The following TRIO variants were observed in gnomAD, a reference collection of about 807,000 sequenced individuals.
TRIO encodes trio Rho guanine nucleotide exchange factor.
TRIO carries 58 observed loss-of-function variants against 351.9 expected under a neutral mutation model. That is an observed-to-expected ratio of 0.16 (90% CI 0.13 to 0.21). TRIO has a LOEUF of 0.21. Among genes scored for constraint, TRIO ranks in the 10% least tolerant of loss-of-function variants. The pLI, the probability that TRIO is intolerant of heterozygous loss-of-function variation, is 1.00. For missense variants in TRIO, 3,201 were observed against 4,027.8 expected (o/e 0.79, Z 5.56); for synonymous variants, 1,758 against 1,595.7 (o/e 1.10, Z -2.42).
At chr5:14,501,233 CCTT>C (rs1757280693) in intron 53 of TRIO, among the ~76,000 whole-genome samples, 1 of 152,162 alleles carries the variant, frequency 6.6e-6, no homozygotes, top group African/African-American at 2.4e-5. Context: ...TCTCAGTACT[CCTT>C]CACCTGCAAG....
At chr5:14,200,449 A>G (rs186521070) in intron 1 of TRIO, among the ~76,000 whole-genome samples, 1 of 152,358 alleles carries the variant, frequency 6.6e-6, no homozygotes, top group East Asian at 1.9e-4. Flanking sequence ...CCCCTGTAAG[A>G]CAGGCATGCT....
At position 14,484,998 on chromosome 5, in the gene TRIO, G is replaced by A. The variant is rs538009642; in HGVS notation, c.6658-71G>A. Reference sequence around the variant, plus strand: ...CCCACATTTTCTTTGTCCATTCATCGGTCAGTGGACACATGGTTTGCTTCC... The same window carrying A: ...CCCACATTTTCTTTGTCCATTCATCAGTCAGTGGACACATGGTTTGCTTCC... On this transcript the variant is annotated intron_variant, in intron 46 of 56. Transcript: ENST00000344204. 6.2e-5 allele frequency: 87 copies of A among 1,408,634 alleles called. No homozygotes were observed. In the East Asian group the frequency reaches 1.4e-3, roughly 23 times the overall value. The allele number at this position is 1,408,634 out of a possible 1,614,324, so 87.3% of individuals were successfully genotyped here. A position where few individuals can be genotyped will look rare whatever the true frequency, so the allele number is the denominator to read the frequency against.
At chr5:14,219,531 G>T (rs1451022368) in intron 1 of TRIO, among the ~76,000 whole-genome samples, 2 of 152,200 alleles carry the variant, frequency 1.3e-5, no homozygotes, top group African/African-American at 4.8e-5. Context: ...GAGTCATAGG[G>T]GACCCTTCAG....
chr5:14,148,887 G>T (rs1413218323), intron 1 of TRIO, among the ~76,000 whole-genome samples: 1 of 152,226 alleles, frequency 6.6e-6, no homozygotes, highest in Non-Finnish European at 1.5e-5. Flanking sequence ...TGGGTCCCCA[G>T]CTGGAGCAAG....
chr5:14,433,538 C>T lies in TRIO; in HGVS notation c.5203+13517C>T, dbSNP rs553582544. 2.0e-4 allele frequency among the ~76,000 whole-genome samples: 30 copies of T among 152,302 alleles called. No individual in the cohort carries two copies. In the South Asian group the frequency reaches 2.3e-3, roughly 12 times the overall value. On this transcript the variant is annotated intron_variant, in intron 34 of 56. Transcript: ENST00000344204. Reference sequence around the variant, plus strand: ...GAGCGGAAACGCATGGGGAAGAAAACAAGGGCCAGGGAGGTGGCGAAAGGA... The same window carrying T: ...GAGCGGAAACGCATGGGGAAGAAAATAAGGGCCAGGGAGGTGGCGAAAGGA...
At chr5:14,321,377 G>A (rs1739865376) in intron 9 of TRIO, among the ~76,000 whole-genome samples, 1 of 152,226 alleles carries the variant, frequency 6.6e-6, no homozygotes, top group Admixed American at 6.5e-5. Context: ...TGAGGGTTTT[G>A]GGCCCCTGTT....
intron 40 of TRIO, among the ~76,000 whole-genome samples, chr5:14,476,270 G>C (rs1359553132): frequency 6.6e-6 from 1 of 152,168 alleles, no homozygotes; most frequent in African/African-American, 2.4e-5. Flanking sequence ...ATTCAGCCTA[G>C]GATATTAGCA....
intron 34 of TRIO, among the ~76,000 whole-genome samples, chr5:14,430,684 GTTTTATTTTATTTTATTTTATTTTA>G (rs375606260): frequency 1.1e-5 from 1 of 94,294 alleles, no homozygotes; most frequent in African/African-American, 2.8e-5. Context: ...AGTGAATTTC[GTTTTATTTTATTTTATTTTATTTTA>G]TTTTATTTTA....
chr5:14,349,662 A>T (rs1742855634), intron 11 of TRIO, among the ~76,000 whole-genome samples: 1 of 152,204 alleles, frequency 6.6e-6, no homozygotes, highest in Non-Finnish European at 1.5e-5. Flanking sequence ...TCAACATACG[A>T]GGTGAACTTT....
chr5:14,159,810 C>A lies in TRIO; in HGVS notation c.157+15928C>A, dbSNP rs181961201. On this transcript the variant is annotated intron_variant, in intron 1 of 56. Transcript: ENST00000344204. ...TCCATCTCTTGACTTCCTGATCTGC[C>A]CGCCTCGGCCTCCCAAAGTGCTGGG... Among the ~76,000 whole-genome samples the A allele has an allele frequency of 2.6e-5, 4 of 152,254 alleles. No homozygotes were observed. The East Asian group carries it at 7.7e-4, about 29-fold the overall frequency.
At chr5:14,435,445 G>A (rs980536779) in intron 34 of TRIO, among the ~76,000 whole-genome samples, 3 of 152,164 alleles carry the variant, frequency 2.0e-5, no homozygotes, top group African/African-American at 7.2e-5. Flanking sequence ...CCACTGTAAA[G>A]TTACTGTTTT....
At chr5:14,168,396 A>T (rs887929709) in intron 1 of TRIO, among the ~76,000 whole-genome samples, 2 of 152,256 alleles carry the variant, frequency 1.3e-5, no homozygotes, top group Non-Finnish European at 2.9e-5. Context: ...GGCTCTCTAC[A>T]AGTACATTAC....
At chr5:14,369,709 T>G (rs764712133) in intron 18 of TRIO, among the ~76,000 whole-genome samples, 186 bp downstream of exon 18, 2 of 152,276 alleles carry the variant, frequency 1.3e-5, no homozygotes, top group African/African-American at 2.4e-5. Flanking sequence ...CCTTTTCATG[T>G]GCGATTGCCT....
At chr5:14,255,301 A>C (rs1794966736) in intron 1 of TRIO, among the ~76,000 whole-genome samples, 1 of 152,196 alleles carries the variant, frequency 6.6e-6, no homozygotes. Context: ...AGGCGTAGAG[A>C]TCCACTGGCC....
chr5:14,498,444 T>G (rs1346030666), intron 52 of TRIO, 75 bp from the exon 53 acceptor site: 1 of 1,555,548 alleles, frequency 6.4e-7, no homozygotes, highest in Non-Finnish European at 8.7e-7. Flanking sequence ...CCCTTGATCC[T>G]GAAGGAGGAG....
At chr5:14,493,771 G>T (rs62345875) in intron 49 of TRIO, among the ~76,000 whole-genome samples, 2 of 152,158 alleles carry the variant, frequency 1.3e-5, no homozygotes, top group African/African-American at 2.4e-5. Context: ...AGCGCCTCTC[G>T]CACCGAACAG....
chr5:14,353,519 C>A (rs1334368778), intron 11 of TRIO, among the ~76,000 whole-genome samples: 1 of 152,098 alleles, frequency 6.6e-6, no homozygotes, highest in African/African-American at 2.4e-5. Context: ...CCGCCTCGAC[C>A]TCTGAGTGCT....
intron 1 of TRIO, among the ~76,000 whole-genome samples, chr5:14,249,490 A>G (rs534418248): frequency 6.6e-6 from 1 of 152,146 alleles, no homozygotes; most frequent in East Asian, 1.9e-4. Context: ...GAATGGGTTC[A>G]TGTGGTTCAG....
At chr5:14,287,673 A>G (rs1434326884) in intron 4 of TRIO, among the ~76,000 whole-genome samples, 3 of 152,124 alleles carry the variant, frequency 2.0e-5, no homozygotes, top group African/African-American at 7.2e-5. Flanking sequence ...TCCTCTCCTT[A>G]AGCTACCAAG....
Sources: gnomAD v4.1 joint callset for allele counts (sites outside exome capture counted in the v4.1 genomes callset) on GRCh38, gnomAD v4.1.1 for gene constraint, MANE v1.5 for transcripts, NCBI Gene and HGNC (gene_info 2026-07-23, HGNC 2026-07-21) for gene names.